Variants in ACTL6B observed in about 807,000 individuals in gnomAD.
ACTL6B encodes the protein actin-like protein 6B.
A neutral mutation model predicts 63.3 loss-of-function variants in ACTL6B; 48 were observed. The observed-to-expected ratio is 0.76, with a 90% CI of 0.60 to 0.96. The LOEUF is 0.96. Ranked by LOEUF, ACTL6B falls within the 50% of genes least tolerant of loss-of-function variation. ACTL6B has a pLI of 0.00. For synonymous variants in ACTL6B, 230 were observed against 223.8 expected, an observed-to-expected ratio of 1.03 and a Z score of -0.25; for missense variants, 350 against 572.2, an observed-to-expected ratio of 0.61 and a Z score of 3.96.
In ACTL6B at chr7:100,655,267, C is replaced by A. The variant is rs567629665; in HGVS notation, c.269-148G>T. 1.3e-4 allele frequency: 153 copies of A among 1,206,694 alleles called. 1 individual carries two copies. In the East Asian group the frequency reaches 3.5e-3, roughly 28 times the overall value. The allele number at this position is 1,206,694 out of a possible 1,614,324, so 74.7% of individuals were successfully genotyped here. On this transcript the variant is annotated intron_variant, in intron 3 of 13. Coordinates refer to ENST00000160382, the MANE Select transcript of ACTL6B (RefSeq NM_016188.5). The surrounding 1 kb of genome is among the most constrained non-coding windows in gnomAD (Gnocchi z 4.4). ...CCCCCCTTCCCAGAAACCTGGTGGG[C>A]CCCTGGGAAGGGAACCCAGCGAGAA...
intron 4 of ACTL6B, among the ~76,000 whole-genome samples, chr7:100,653,631 G>A (rs1052268220): frequency 1.3e-5 from 2 of 152,102 alleles, no homozygotes; most frequent in Admixed American, 1.3e-4. Context: ...GACAAACTGA[G>A]CAGACCCCCT....
At position 100,648,050 on chromosome 7, in the gene ACTL6B, C is replaced by T. The variant is rs965622607; in HGVS notation, c.669+506G>A. On this transcript the variant is annotated intron_variant, in intron 7 of 13. Transcript: ENST00000160382. The surrounding 1 kb of genome is among the most constrained non-coding windows in gnomAD (Gnocchi z 4.4). ...TCTCGGCTCACTGCAACCTCTGCCT[C>T]CGGGGTTCAGGTGATTCTCCAGTCT... is the stretch of plus-strand genomic sequence containing the variant. 6.6e-6 allele frequency among the ~76,000 whole-genome samples: 1 copy of T among 151,536 alleles called. No homozygotes were observed. Among genetic ancestry groups the T allele is most frequent in the Non-Finnish European group, 1.5e-5 (1 of 67,958 alleles).
intron 4 of ACTL6B, among the ~76,000 whole-genome samples, chr7:100,651,568 T>G (rs1427130889): frequency 6.6e-6 from 1 of 151,806 alleles, no homozygotes; most frequent in Non-Finnish European, 1.5e-5. Flanking sequence ...AAAAAAAGTT[T>G]TTTTTTAGAT....
rs566297676 is a variant in ACTL6B at position 100,649,340 on chromosome 7, G to A, written c.468-517C>T. Among the ~76,000 whole-genome samples the A allele has an allele frequency of 5.9e-3, 863 of 145,316 alleles. 10 individuals carry two copies. Among genetic ancestry groups the A allele is most frequent in the African/African-American group, 0.02 (790 of 38,968 alleles). ...TTTTTTTTTTTTGAAACTGAGTTTC[G>A]TTTTGTCGCCCAGGCTGGAATGCAA... On this transcript the variant is annotated intron_variant, in intron 5 of 13. Transcript: ENST00000160382.
chr7:100,649,820 C>G, intron 5 of ACTL6B: 2 of 508,382 alleles, frequency 3.9e-6, no homozygotes, highest in Non-Finnish European at 7.2e-6. Context: ...TCAGCCTGAT[C>G]CGGGGAACCG....
Position 100,655,169 on chromosome 7 carries a change from C to T in ACTL6B, c.269-50G>A, listed in dbSNP as rs1165579899. ...GAGACGCAAGAAGGCAGGCAGGGGA[C>T]AGGGACAGGAAGAAAAGGAGGGAGA... On this transcript the variant is annotated intron_variant, in intron 3 of 13. Coordinates refer to ENST00000160382, the MANE Select transcript of ACTL6B (RefSeq NM_016188.5). This position sits in a 1 kb window ranked among gnomAD's most constrained non-coding sequence, Gnocchi z 4.4. 6.6e-7 allele frequency: 1 copy of T among 1,505,208 alleles called. No homozygotes were observed. The highest frequency in any genetic ancestry group is 2.3e-5 in the East Asian group (1 of 44,304). 93.2% of individuals were successfully genotyped at this position (1,505,208 alleles called of 1,614,324 possible).
At position 100,655,916 on chromosome 7, in the gene ACTL6B, C is replaced by A. The variant is rs961477048; in HGVS notation, c.26-37G>T. Reference sequence around the variant, plus strand: ...GACAGGCCTGTAAGGGGACCTCCCCCGAACTCTCTCCCGCTAGGTAGCTCC... The same window carrying A: ...GACAGGCCTGTAAGGGGACCTCCCCAGAACTCTCTCCCGCTAGGTAGCTCC... On this transcript the variant is annotated intron_variant, in intron 1 of 13. Transcript: ENST00000160382. The surrounding 1 kb of genome is among the most constrained non-coding windows in gnomAD (Gnocchi z 4.4). The A allele has an allele frequency of 6.5e-7, 1 of 1,541,794 alleles. No homozygotes were observed. The highest frequency in any genetic ancestry group is 8.8e-7 in the Non-Finnish European group (1 of 1,141,306).
intron 4 of ACTL6B, among the ~76,000 whole-genome samples, chr7:100,653,825 T>C (rs528977049): frequency 6.6e-6 from 1 of 151,972 alleles, no homozygotes; most frequent in African/African-American, 2.4e-5. Context: ...TACCTAAAAC[T>C]AAACACTCCA....
In ACTL6B at chr7:100,655,000, G is replaced by A. The variant is rs1804011322; in HGVS notation, c.369+19C>T. On this transcript the variant is annotated intron_variant, in intron 4 of 13. Coordinates refer to ENST00000160382, the MANE Select transcript of ACTL6B (RefSeq NM_016188.5). ...CAGTGGAGATCAGGGTTGGACATGAGGATGGAGGAGGCACTCACCGGAGCC... is the reference window on the plus strand; with the variant it reads ...CAGTGGAGATCAGGGTTGGACATGAAGATGGAGGAGGCACTCACCGGAGCC... 4.4e-6 allele frequency: 7 copies of A among 1,601,700 alleles called. No homozygotes were observed. The highest frequency in any genetic ancestry group is 6.0e-6 in the Non-Finnish European group (7 of 1,169,304).
chr7:100,654,990 T>C (rs1473642592), intron 4 of ACTL6B, 29 bp downstream of exon 4: 1 of 1,579,342 alleles, frequency 6.3e-7, no homozygotes, highest in Non-Finnish European at 8.7e-7. Context: ...GAGATCAGGG[T>C]TGGACATGAG....
intron 4 of ACTL6B, among the ~76,000 whole-genome samples, chr7:100,652,999 C>CAAAAAAAAAAAAAAAAAA (rs58707737): frequency 7.7e-5 from 2 of 25,948 alleles, no homozygotes; most frequent in African/African-American, 1.7e-4. Context: ...AACTCCGTCT[C>CAAAAAAAAAAAAAAAAAA]AAAAAAAAAA....
Position 100,655,763 on chromosome 7 carries a change from CGAAGCCCCTAGGATTTGGAG to C in ACTL6B, c.102+20_102+39del, listed in dbSNP as rs1188571394. The C allele has an allele frequency of 6.5e-7, 1 of 1,548,472 alleles. No homozygotes were observed. Among genetic ancestry groups the C allele is most frequent in the Non-Finnish European group, 8.7e-7 (1 of 1,145,466 alleles). ...TCACTGGAAAGCCTGAAGAAGGGTC[CGAAGCCCCTAGGATTTGGAG>C]AGGAGACTGGAAGGCTCACCTTGGG... On this transcript the variant is annotated intron_variant, in intron 2 of 13. Coordinates refer to ENST00000160382, the MANE Select transcript of ACTL6B (RefSeq NM_016188.5). The surrounding 1 kb of genome is among the most constrained non-coding windows in gnomAD (Gnocchi z 4.4).
At chr7:100,653,638 C>G (rs1427193826) in intron 4 of ACTL6B, among the ~76,000 whole-genome samples, 2 of 152,018 alleles carry the variant, frequency 1.3e-5, no homozygotes, top group African/African-American at 4.8e-5. Context: ...TGAGCAGACC[C>G]CCTGTTTTTG....
Position 100,648,848 on chromosome 7 carries a change from GAGAC to G in ACTL6B, c.468-29_468-26del, listed in dbSNP as rs1466007099. 6.2e-7 allele frequency: 1 copy of G among 1,605,970 alleles called. No individual in the cohort carries two copies. The highest frequency in any genetic ancestry group is 1.3e-5 in the African/African-American group (1 of 74,802). ...GCTGGCATCGGATGGGTAAGTCAAA[GAGAC>G]AGCAGCAGCAAGTGAGGGGCCTGGG... On this transcript the variant is annotated intron_variant, in intron 5 of 13. Transcript: ENST00000160382. This position sits in a 1 kb window ranked among gnomAD's most constrained non-coding sequence, Gnocchi z 4.4.
chr7:100,655,757 A>G lies in ACTL6B; in HGVS notation c.102+46T>C. ...CCTGGGTCACTGGAAAGCCTGAAGA[A>G]GGGTCCGAAGCCCCTAGGATTTGGA... is the stretch of plus-strand genomic sequence containing the variant. On this transcript the variant is annotated intron_variant, in intron 2 of 13. Transcript: ENST00000160382. This position sits in a 1 kb window ranked among gnomAD's most constrained non-coding sequence, Gnocchi z 4.4. 1 of 1,543,250 alleles carries G rather than the reference A, an allele frequency of 6.5e-7. No homozygotes were observed.
In ACTL6B at chr7:100,646,911, C is replaced by A. The variant is rs999221557; in HGVS notation, c.936+60G>T. 25 of 1,599,328 alleles carry A rather than the reference C, an allele frequency of 1.6e-5. No homozygotes were observed. Among genetic ancestry groups the A allele is most frequent in the Non-Finnish European group, 2.1e-5 (25 of 1,168,804 alleles). On this transcript the variant is annotated intron_variant, in intron 10 of 13. Transcript: ENST00000160382. This position sits in a 1 kb window ranked among gnomAD's most constrained non-coding sequence, Gnocchi z 6.1. The stretch of plus-strand genomic sequence containing the variant: ...CTGCAATCCTTCCCAGCCTCCCCCA[C>A]GCCCCAGGATCCAGGGACTGCAGCC...
chr7:100,645,260 T>G (rs1803799426), intron 13 of ACTL6B, among the ~76,000 whole-genome samples: 1 of 152,018 alleles, frequency 6.6e-6, no homozygotes, highest in African/African-American at 2.4e-5. Flanking sequence ...AGATGCGGGT[T>G]GCAACTCCAG....
At position 100,646,432 on chromosome 7, in the gene ACTL6B, G is replaced by A. The variant is rs967719199; in HGVS notation, c.1114-97C>T. The A allele has an allele frequency of 9.0e-6, 14 of 1,550,902 alleles. No homozygotes were observed. In the African/African-American group the frequency reaches 1.6e-4, roughly 18 times the overall value. ...GAAGACTTGGGAAGCCACAGGGGCAGGGGTTCTGCTCTGGTGGCCAGAACA... is the reference window on the plus strand; with the variant it reads ...GAAGACTTGGGAAGCCACAGGGGCAAGGGTTCTGCTCTGGTGGCCAGAACA... On this transcript the variant is annotated intron_variant, in intron 12 of 13. Transcript: ENST00000160382. The surrounding 1 kb of genome is among the most constrained non-coding windows in gnomAD (Gnocchi z 6.1).
intron 13 of ACTL6B, among the ~76,000 whole-genome samples, chr7:100,644,184 G>A (rs1409002786): frequency 1.3e-5 from 2 of 152,190 alleles, no homozygotes; most frequent in East Asian, 3.9e-4. Flanking sequence ...ACAAGCGTGA[G>A]CCACCGCGCC....
Sources: allele counts gnomAD v4.1 joint callset (sites outside exome capture counted in the v4.1 genomes callset), GRCh38; gene constraint gnomAD v4.1.1; non-coding constraint Gnocchi (gnomAD v3.1); transcripts MANE v1.5; gene names NCBI Gene and HGNC (gene_info 2026-07-23, HGNC 2026-07-21).